The following FAT1 variants were observed in gnomAD, a reference collection of about 807,000 sequenced individuals.
FAT1 encodes protocadherin Fat 1.
A neutral mutation model predicts 329.8 loss-of-function variants in FAT1; 171 were observed. The observed-to-expected ratio is 0.52, with a 90% CI of 0.46 to 0.59. The LOEUF (loss-of-function observed/expected upper bound fraction) is 0.59, where lower values mean the gene tolerates loss of function less well. Ranked by LOEUF, FAT1 falls within the 20% of genes least tolerant of loss-of-function variation. The pLI is 0.00. For missense variants in FAT1, 5,672 were observed against 5,774.4 expected (o/e 0.98, Z 0.57); for synonymous variants, 2,233 against 2,228.6 (o/e 1.00, Z -0.06).
chr4:186,637,261 G>A (rs1180967073), intron 4 of FAT1, among the ~76,000 whole-genome samples: 1 of 152,206 alleles, frequency 6.6e-6, no homozygotes, highest in African/African-American at 2.4e-5. Flanking sequence ...TTTAGGCCAT[G>A]GAAGAGATAC....
At position 186,589,001 on chromosome 4, in the gene FAT1, G is replaced by T. The variant is rs762551566; in HGVS notation, c.13358C>A (p.Pro4453His). 4.3e-6 allele frequency: 7 copies of T among 1,613,988 alleles called. No individual in the cohort carries two copies. Among genetic ancestry groups the T allele is most frequent in the Non-Finnish European group, 5.1e-6 (6 of 1,179,892 alleles). ...GGATTCAAACTGATTGCTGAATTCG[G>T]GCGGTAACGGTGGTAGCTCATCAGC... ...PAADELPPLPPEFSNQFESIH... is the reference protein window; with the variant it reads ...PAADELPPLPHEFSNQFESIH... Residue 4453 changes from proline to histidine, a missense_variant, in exon 27 of 27, where the codon CCC becomes CAC. By Grantham distance (77) the Pro-to-His change is moderately conservative (BLOSUM62 -2). This residue lies in a region of FAT1 where 1,706 missense variants were observed against 1,859.1 expected (regional missense o/e 0.92). Coordinates refer to ENST00000441802, the MANE Select transcript of FAT1 (RefSeq NM_005245.4).
chr4:186,589,375 C>A (rs557117214), intron 26 of FAT1, among the ~76,000 whole-genome samples, 155 bp from the exon 27 acceptor site: 5 of 152,170 alleles, frequency 3.3e-5, no homozygotes, highest in Admixed American at 6.5e-5. Context: ...GCTTTGAAGA[C>A]ATCCCCCAAC....
At position 186,709,659 on chromosome 4, in the gene FAT1, C is replaced by A. The variant is rs201854030; in HGVS notation, c.169G>T (p.Val57Phe). 1.2e-6 allele frequency: 2 copies of A among 1,613,874 alleles called. No individual in the cohort carries two copies. Among genetic ancestry groups the A allele is most frequent in the Admixed American group, 3.3e-5 (2 of 60,008 alleles). The change falls in exon 2 of 27, where the codon GTC becomes TTC. Residue 57 changes from valine to phenylalanine, a missense_variant. Physicochemically the swap from Val to Phe is conservative, Grantham distance 50. This residue lies in a region of FAT1 where 3,966 missense variants were observed against 3,915.2 expected (regional missense o/e 1.01). Coordinates refer to ENST00000441802, the MANE Select transcript of FAT1 (RefSeq NM_005245.4). Reference protein sequence around the residue: ...SAAKTYVGHPVKMGVYITHPA... With the variant: ...SAAKTYVGHPFKMGVYITHPA... Reference sequence around the variant, plus strand: ...TGTGTAATGTAAACACCCATCTTGACAGGATGCCCCACATAAGTCTTAGCT... The same window carrying A: ...TGTGTAATGTAAACACCCATCTTGAAAGGATGCCCCACATAAGTCTTAGCT...
chr4:186,660,349 G>C (rs1307981956), intron 3 of FAT1, among the ~76,000 whole-genome samples: 2 of 152,174 alleles, frequency 1.3e-5, no homozygotes. Flanking sequence ...TCTAGAAACA[G>C]ATCTAATGAA....
chr4:186,605,499 G>A (rs1468435923), intron 17 of FAT1, among the ~76,000 whole-genome samples: 4 of 123,976 alleles, frequency 3.2e-5, no homozygotes, highest in African/African-American at 9.5e-5. Context: ...AAGAGGTGGA[G>A]GGAAGAGGAG....
At chr4:186,723,367 C>A (rs1579515984) in intron 1 of FAT1, among the ~76,000 whole-genome samples, 1 of 152,194 alleles carries the variant, frequency 6.6e-6, no homozygotes, top group South Asian at 2.1e-4. Flanking sequence ...CGCAGCCCGG[C>A]GAGCTCCCGG....
At chr4:186,670,241 C>G (rs1444489943) in intron 2 of FAT1, among the ~76,000 whole-genome samples, 3 of 152,086 alleles carry the variant, frequency 2.0e-5, no homozygotes, top group Non-Finnish European at 4.4e-5. Flanking sequence ...CAAACGCTAC[C>G]CTCCTTTCTG....
rs995245985 is a variant in FAT1 at position 186,604,218 on chromosome 4, C to T, written c.10548+159G>A. Among the ~76,000 whole-genome samples the T allele has an allele frequency of 5.9e-5, 9 of 152,056 alleles. No homozygotes were observed. The East Asian group carries it at 1.5e-3, about 26-fold the overall frequency. On this transcript the variant is annotated intron_variant, in intron 18 of 26. Transcript: ENST00000441802. ...CAACAATGAGCTCCTTCAAACACAGCGGGATAAAAATGGAAGGTATGGCAA... is the reference window on the plus strand; with the variant it reads ...CAACAATGAGCTCCTTCAAACACAGTGGGATAAAAATGGAAGGTATGGCAA...
At chr4:186,609,379 A>C (rs1372908431) in intron 15 of FAT1, 59 bp from the exon 16 acceptor site, 1 of 1,550,380 alleles carries the variant, frequency 6.5e-7, no homozygotes, top group African/African-American at 1.4e-5. Context: ...AACCTATTAC[A>C]CAAAATTTGT....
intron 26 of FAT1, chr4:186,592,575 C>T (rs1738296806): frequency 2.4e-6 from 1 of 412,020 alleles, no homozygotes; most frequent in African/African-American, 2.0e-5. Flanking sequence ...AATAAAAGGA[C>T]TCAACCCCCT....
intron 1 of FAT1, among the ~76,000 whole-genome samples, chr4:186,722,762 T>C (rs1411356794): frequency 6.6e-6 from 1 of 152,188 alleles, no homozygotes; most frequent in Admixed American, 6.5e-5. Flanking sequence ...GAAATGAATA[T>C]CTGAAGGTCA....
intron 2 of FAT1, among the ~76,000 whole-genome samples, chr4:186,697,066 G>C (rs1409002368): frequency 6.6e-6 from 1 of 152,094 alleles, no homozygotes; most frequent in East Asian, 1.9e-4. Context: ...AATTCTGTCT[G>C]CCAAGGGAGC....
At chr4:186,691,141 C>T (rs1743740915) in intron 2 of FAT1, among the ~76,000 whole-genome samples, 1 of 152,146 alleles carries the variant, frequency 6.6e-6, no homozygotes, top group Admixed American at 6.5e-5. Flanking sequence ...AATCAGTTCA[C>T]CTTTCACATA....
At chr4:186,702,648 G>A (rs1255797606) in intron 2 of FAT1, among the ~76,000 whole-genome samples, 2 of 152,158 alleles carry the variant, frequency 1.3e-5, no homozygotes, top group Non-Finnish European at 2.9e-5. Context: ...ACAAAAAGCT[G>A]CAGCATTTCA....
intron 2 of FAT1, among the ~76,000 whole-genome samples, chr4:186,698,545 C>T (rs149512827): frequency 1.1e-4 from 17 of 152,328 alleles, no homozygotes; most frequent in African/African-American, 4.1e-4. Context: ...ACGAAGAGGG[C>T]TGTCAAGAAA....
At chr4:186,642,522 T>G (rs193139819) in intron 3 of FAT1, among the ~76,000 whole-genome samples, 1 of 152,202 alleles carries the variant, frequency 6.6e-6, no homozygotes, top group Non-Finnish European at 1.5e-5. Flanking sequence ...GTGAGAGAGA[T>G]AAACTACTGT....
chr4:186,652,972 T>C (rs1741736316), intron 3 of FAT1, among the ~76,000 whole-genome samples: 1 of 152,192 alleles, frequency 6.6e-6, no homozygotes, highest in South Asian at 2.1e-4. Context: ...ACATTTCCTA[T>C]AGTAAACATA....
chr4:186,614,387 A>T, intron 11 of FAT1, 43 bp from the exon 12 acceptor site: 3 of 1,331,202 alleles, frequency 2.3e-6, no homozygotes, highest in Non-Finnish European at 1.0e-6. Flanking sequence ...AAGCATTAAC[A>T]GGCAGCACAA....
At chr4:186,611,119 T>C (rs748086239) in intron 14 of FAT1, among the ~76,000 whole-genome samples, 89 of 152,220 alleles carry the variant, frequency 5.8e-4, no homozygotes, top group Non-Finnish European at 1.0e-3. Flanking sequence ...ACTAAACTAA[T>C]AGAACATGCT....
Sources: allele counts gnomAD v4.1 joint callset (sites outside exome capture counted in the v4.1 genomes callset), GRCh38; gene constraint gnomAD v4.1.1; regional missense constraint gnomAD v4.1.1; transcripts MANE v1.5; gene names NCBI Gene and HGNC (gene_info 2026-07-23, HGNC 2026-07-21).